ATP2B2: variants seen among roughly 807,000 people sequenced by gnomAD.
The protein encoded by ATP2B2 is ATPase plasma membrane Ca2+ transporting 2.
In ATP2B2, 15 loss-of-function variants were observed where a neutral mutation model predicts 120.0. That is an observed-to-expected ratio of 0.12 (90% CI 0.08 to 0.19). The LOEUF is 0.19. ATP2B2 is among the 10% of genes least tolerant of loss of function. ATP2B2 has a pLI of 1.00. For missense variants in ATP2B2, 1,045 were observed against 1,719.8 expected, an observed-to-expected ratio of 0.61 and a Z score of 6.94; for synonymous variants, 694 against 700.3, an observed-to-expected ratio of 0.99 and a Z score of 0.14.
chr3:10,643,531 T>TGGC (rs2070231438), intron 1 of ATP2B2, among the ~76,000 whole-genome samples: 1 of 152,100 alleles, frequency 6.6e-6, no homozygotes, highest in Non-Finnish European at 1.5e-5. Context: ...TGGTCAAAAT[T>TGGC]CCCATCTCCA....
chr3:10,636,880 T>C (rs537199016), intron 1 of ATP2B2, among the ~76,000 whole-genome samples: 44 of 152,152 alleles, frequency 2.9e-4, no homozygotes, highest in Non-Finnish European at 5.9e-4. Flanking sequence ...GGGTCACTCT[T>C]GAGTATTCAG....
rs758119285 is a variant in ATP2B2 at position 10,360,112 on chromosome 3, C to T, written c.1671G>A (p.Lys557=). ...CCACCTGCCGAGGCAGGGCGCCCTC[C>T]TTCTCTGGGGGCTGCAGAGAGAGGA... ...AYTTKILPPE[K]EGALPRQVGN... is the part of the protein sequence containing the mutation. Residue 557 remains lysine, a synonymous_variant, in exon 13 of 23, where the codon AAG becomes AAA. Transcript: ENST00000360273. The T allele has an allele frequency of 3.1e-6, 5 of 1,597,926 alleles. No homozygotes were observed. The highest frequency in any genetic ancestry group is 3.3e-5 in the Admixed American group (2 of 59,746).
Position 10,340,603 on chromosome 3 carries a change from G to A in ATP2B2, c.3019C>T (p.Leu1007Phe). ...IIFNTFVMMQ[L>F]FNEINARKIH... ...TTGCGGGCGTTGATCTCGTTGAAGA[G>A]CTGCATCATGACGAAGGTGTTGAAG... Residue 1007 changes from leucine (L) to phenylalanine (F), a missense_variant, in exon 20 of 23, where the codon CTC becomes TTC. By Grantham distance (22) the Leu-to-Phe change is conservative. Transcript: ENST00000360273. The surrounding 1 kb of genome is among the most constrained non-coding windows in gnomAD (Gnocchi z 5.0). The A allele has an allele frequency of 6.2e-7, 1 of 1,614,252 alleles. No individual in the cohort carries two copies. The highest frequency in any genetic ancestry group is 8.5e-7 in the Non-Finnish European group (1 of 1,180,050).
intron 5 of ATP2B2, among the ~76,000 whole-genome samples, chr3:10,399,683 T>C (rs1481696978): frequency 2.0e-5 from 3 of 152,206 alleles, no homozygotes; most frequent in Non-Finnish European, 4.4e-5. Context: ...ACCTCTATTC[T>C]CACTCCTACC....
chr3:10,496,491 G>A (rs1034696826), intron 1 of ATP2B2, among the ~76,000 whole-genome samples: 6 of 152,202 alleles, frequency 3.9e-5, no homozygotes, highest in African/African-American at 1.2e-4. Context: ...AACCTGGGGC[G>A]CAGTTCATGC....
intron 2 of ATP2B2, among the ~76,000 whole-genome samples, chr3:10,412,236 A>C (rs2062635543): frequency 2.0e-5 from 3 of 152,194 alleles, no homozygotes; most frequent in Non-Finnish European, 4.4e-5. Flanking sequence ...TGGGGTATGG[A>C]TGACCCACAG....
intron 1 of ATP2B2, among the ~76,000 whole-genome samples, chr3:10,636,686 G>GT (rs2125645813): frequency 6.6e-6 from 1 of 152,270 alleles, no homozygotes; most frequent in African/African-American, 2.4e-5. Flanking sequence ...AACAAAATAG[G>GT]TAAGTCAGTG....
Position 10,342,661 on chromosome 3 carries a change from GT to G in ATP2B2, c.2917+90del. On this transcript the variant is annotated intron_variant, in intron 19 of 22. Coordinates refer to ENST00000360273, the MANE Select transcript of ATP2B2 (RefSeq NM_001001331.4). This position sits in a 1 kb window ranked among gnomAD's most constrained non-coding sequence, Gnocchi z 4.4. ...TTCCCCATTAGCAAAACAGGAGGGGGTTGTGACTCGAGAATGCTGGGTGAGA... is the reference window on the plus strand; with the variant it reads ...TTCCCCATTAGCAAAACAGGAGGGGGTGTGACTCGAGAATGCTGGGTGAGA... 3 of 1,468,842 alleles carry G rather than the reference GT, an allele frequency of 2.0e-6. No individual in the cohort carries two copies. Among genetic ancestry groups the G allele is most frequent in the Non-Finnish European group, 2.8e-6 (3 of 1,060,040 alleles). The allele number at this position is 1,468,842 out of a possible 1,614,324, so 91.0% of individuals were successfully genotyped here.
At chr3:10,415,524 G>A (rs1482901289) in intron 2 of ATP2B2, among the ~76,000 whole-genome samples, 1 of 152,194 alleles carries the variant, frequency 6.6e-6, no homozygotes, top group Non-Finnish European at 1.5e-5. Flanking sequence ...GGTGGCTCTG[G>A]TACTTGGTAT....
At chr3:10,507,256 T>C (rs964965316), upstream of ATP2B2, among the ~76,000 whole-genome samples, 8 of 152,108 alleles carry the variant, frequency 5.3e-5, no homozygotes, top group Non-Finnish European at 8.8e-5. Flanking sequence ...CCCACACCAA[T>C]AGCCCAAGAC....
intron 4 of ATP2B2, among the ~76,000 whole-genome samples, chr3:10,401,586 C>T (rs1182914652): frequency 6.6e-6 from 1 of 152,190 alleles, no homozygotes; most frequent in Non-Finnish European, 1.5e-5. Flanking sequence ...GGCTCAAACT[C>T]CCTTTGGTGC....
intron 1 of ATP2B2, among the ~76,000 whole-genome samples, chr3:10,671,926 A>G (rs771545519): frequency 6.6e-6 from 1 of 152,216 alleles, no homozygotes; most frequent in Non-Finnish European, 1.5e-5. Flanking sequence ...AATTCTGAAT[A>G]ATCAATAAAG....
intron 1 of ATP2B2, among the ~76,000 whole-genome samples, chr3:10,641,587 T>C (rs530958665): frequency 5.9e-5 from 9 of 152,348 alleles, no homozygotes; most frequent in African/African-American, 1.9e-4. Flanking sequence ...AGGGGCCAGA[T>C]CTCGCCTTTA....
intron 5 of ATP2B2, 88 bp downstream of exon 5, chr3:10,400,865 C>CT (rs756833911): frequency 1.9e-4 from 297 of 1,591,746 alleles, no homozygotes; most frequent in Non-Finnish European, 2.4e-4. Flanking sequence ...ATCAAAGTCT[C>CT]TGAGTCCCTT....
chr3:10,394,597 T>C (rs1161005538), intron 5 of ATP2B2: 2 of 453,582 alleles, frequency 4.4e-6, no homozygotes, highest in Non-Finnish European at 9.4e-6. Flanking sequence ...GCAGTCACGG[T>C]GTCGTCCTAG....
chr3:10,702,721 C>A lies in ATP2B2; in HGVS notation c.-460+5194G>T, dbSNP rs76282899. Among the ~76,000 whole-genome samples, 476 of 152,272 alleles carry A rather than the reference C, an allele frequency of 3.1e-3. 4 individuals are homozygous for A. Among genetic ancestry groups the A allele is most frequent in the African/African-American group, 0.011 (448 of 41,554 alleles). ...CCACTTTTTATTTTTAAATAAGGAACCGGGTCATTACATCTCCCCAGAATC... is the reference window on the plus strand; with the variant it reads ...CCACTTTTTATTTTTAAATAAGGAAACGGGTCATTACATCTCCCCAGAATC... On this transcript the variant is annotated intron_variant, in intron 1 of 21. Coordinates refer to the ATP2B2 transcript ENST00000646379.
intron 1 of ATP2B2, among the ~76,000 whole-genome samples, chr3:10,463,809 TC>T (rs1191787575): frequency 6.6e-6 from 1 of 152,208 alleles, no homozygotes. Flanking sequence ...TTTGTACTTT[TC>T]TCCTTTGCCT....
At chr3:10,361,170 T>A (rs890697727) in intron 12 of ATP2B2, among the ~76,000 whole-genome samples, 3 of 152,224 alleles carry the variant, frequency 2.0e-5, no homozygotes, top group Non-Finnish European at 4.4e-5. Context: ...GTTGAACCAA[T>A]GGAAACTGCT....
At chr3:10,484,248 G>A (rs2065535891) in intron 1 of ATP2B2, among the ~76,000 whole-genome samples, 1 of 152,130 alleles carries the variant, frequency 6.6e-6, no homozygotes, top group Non-Finnish European at 1.5e-5. Context: ...GACTTCCAGG[G>A]CAGGAGAGAG....
Sources: allele counts gnomAD v4.1 joint callset (sites outside exome capture counted in the v4.1 genomes callset), GRCh38; gene constraint gnomAD v4.1.1; non-coding constraint Gnocchi (gnomAD v3.1); transcripts MANE v1.5; gene names NCBI Gene and HGNC (gene_info 2026-07-23, HGNC 2026-07-21).